Variants in XXYLT1 observed in about 807,000 individuals in gnomAD.
The protein encoded by XXYLT1 is UDP-xylose:alpha-xyloside alpha-1,3-xylosyltransferase.
Under a neutral mutation model 28.9 loss-of-function variants are expected in XXYLT1, and 20 were observed. The ratio of observed to expected loss-of-function variants is 0.69; its 90% CI spans 0.49 to 1.00. The LOEUF is 1.00. Among genes scored for constraint, XXYLT1 ranks in the 50% least tolerant of loss-of-function variants. The pLI is 0.00. For missense variants in XXYLT1, 542 were observed against 560.1 expected, an observed-to-expected ratio of 0.97 and a Z score of 0.33; for synonymous variants, 257 against 253.8, an observed-to-expected ratio of 1.01 and a Z score of -0.12.
rs778427071 is a variant in XXYLT1 at position 195,069,922 on chromosome 3, G to T, written c.975C>A (p.Arg325=). Residue 325 remains arginine, a synonymous_variant, in exon 4 of 4, where the codon CGC becomes CGA. Coordinates refer to ENST00000310380, the MANE Select transcript of XXYLT1 (RefSeq NM_152531.5). ...AGAAGTCCTGGTCCCCGAGGTGGCCGCGGAAGTGGTACTTGTCGGCCAGCT... is the reference window on the plus strand; with the variant it reads ...AGAAGTCCTGGTCCCCGAGGTGGCCTCGGAAGTGGTACTTGTCGGCCAGCT... The part of the protein sequence containing the change: ...VQQLADKYHF[R]GHLGDQDFFT... 1 of 1,613,656 alleles carries T rather than the reference G, an allele frequency of 6.2e-7. No individual in the cohort carries two copies. Among genetic ancestry groups the T allele is most frequent in the Admixed American group, 1.7e-5 (1 of 60,026 alleles).
chr3:195,174,685 CT>C (rs1208304300), intron 2 of XXYLT1, among the ~76,000 whole-genome samples: 12 of 127,952 alleles, frequency 9.4e-5, no homozygotes, highest in Admixed American at 8.5e-5. Flanking sequence ...TCCCTCCCCC[CT>C]CCCTCCCTTC....
intron 1 of XXYLT1, chr3:195,270,019 A>C (rs1303419147): frequency 5.2e-6 from 1 of 192,092 alleles, no homozygotes; most frequent in Non-Finnish European, 1.1e-5. Context: ...CCTTGGAGGA[A>C]GGGGAAAAAG....
chr3:195,116,063 G>A (rs112776554), intron 3 of XXYLT1, among the ~76,000 whole-genome samples: 94 of 152,182 alleles, frequency 6.2e-4, no homozygotes, highest in Non-Finnish European at 1.1e-3. Flanking sequence ...CAGCGACAGG[G>A]AGAAGCAGCT....
At chr3:195,128,913 C>T (rs930672968) in intron 3 of XXYLT1, among the ~76,000 whole-genome samples, 8 of 152,170 alleles carry the variant, frequency 5.3e-5, no homozygotes, top group South Asian at 2.1e-4. Flanking sequence ...TGAAAGCATG[C>T]GCCAACACTG....
At chr3:195,143,373 GT>G (rs1054271783) in intron 3 of XXYLT1, among the ~76,000 whole-genome samples, 8 of 152,134 alleles carry the variant, frequency 5.3e-5, no homozygotes, top group Non-Finnish European at 1.2e-4. Flanking sequence ...CACAGATGTG[GT>G]TTTTTGGCCA....
At chr3:195,266,817 T>G (rs1297525493) in intron 1 of XXYLT1, among the ~76,000 whole-genome samples, 1 of 152,084 alleles carries the variant, frequency 6.6e-6, no homozygotes, top group Non-Finnish European at 1.5e-5. Context: ...CAGGCTGGGG[T>G]GGGGCCCAGG....
At chr3:195,088,713 C>T (rs1417843917) in intron 3 of XXYLT1, among the ~76,000 whole-genome samples, 9 of 138,638 alleles carry the variant, frequency 6.5e-5, no homozygotes, top group East Asian at 2.2e-4. Context: ...AGGCTTCAGA[C>T]GATCAAATTA....
chr3:195,241,888 T>C (rs1315099834), intron 1 of XXYLT1, among the ~76,000 whole-genome samples: 1 of 152,144 alleles, frequency 6.6e-6, no homozygotes, highest in African/African-American at 2.4e-5. Context: ...GGCTATTGCA[T>C]GACCAGATTC....
chr3:195,256,879 G>A lies in XXYLT1; in HGVS notation c.504+13676C>T, dbSNP rs905699782. Among the ~76,000 whole-genome samples, 1 of 152,200 alleles carries A rather than the reference G, an allele frequency of 6.6e-6. No individual in the cohort carries two copies. Among genetic ancestry groups the A allele is most frequent in the Non-Finnish European group, 1.5e-5 (1 of 68,032 alleles). On this transcript the variant is annotated intron_variant, in intron 1 of 3. Coordinates refer to ENST00000310380, the MANE Select transcript of XXYLT1 (RefSeq NM_152531.5). The surrounding 1 kb of genome is among the most constrained non-coding windows in gnomAD (Gnocchi z 4.2). Reference sequence around the variant, plus strand: ...CCCAGGGCACTGCCTGCCAGCCGGGGCTCTAGGCAGACCAAGCAACCTTCC... The same window carrying A: ...CCCAGGGCACTGCCTGCCAGCCGGGACTCTAGGCAGACCAAGCAACCTTCC...
At chr3:195,259,557 G>A (rs1029131574) in intron 1 of XXYLT1, 2 of 985,246 alleles carry the variant, frequency 2.0e-6, no homozygotes, top group Admixed American at 6.1e-5. Flanking sequence ...TCCTCCCAGG[G>A]AGAGGCCTCC....
chr3:195,191,293 TTC>T (rs1340086517), intron 2 of XXYLT1, among the ~76,000 whole-genome samples: 1 of 152,220 alleles, frequency 6.6e-6, no homozygotes, highest in Non-Finnish European at 1.5e-5. Context: ...ATCCCTCCTT[TTC>T]TCTTTCTTCT....
At chr3:195,182,134 C>T (rs1049779083) in intron 2 of XXYLT1, among the ~76,000 whole-genome samples, 13 of 152,314 alleles carry the variant, frequency 8.5e-5, no homozygotes, top group Admixed American at 2.6e-4. Context: ...AGCCCCTAAA[C>T]GAGGTATGTG....
At chr3:195,197,297 C>T (rs1162832065) in intron 2 of XXYLT1, among the ~76,000 whole-genome samples, 4 of 152,148 alleles carry the variant, frequency 2.6e-5, no homozygotes, top group African/African-American at 4.8e-5. Context: ...ATTAGCCGGG[C>T]GTGGTGGTGC....
intron 3 of XXYLT1, among the ~76,000 whole-genome samples, chr3:195,131,973 C>A (rs1441028495): frequency 6.6e-6 from 1 of 152,154 alleles, no homozygotes; most frequent in East Asian, 1.9e-4. Flanking sequence ...CAGCATCTAG[C>A]AGGCCCAAGA....
At chr3:195,251,536 C>T (rs184352623) in intron 1 of XXYLT1, among the ~76,000 whole-genome samples, 59 of 152,322 alleles carry the variant, frequency 3.9e-4, no homozygotes, top group Non-Finnish European at 6.9e-4. Context: ...TGAGGGGCTG[C>T]TCCGCCTGCA....
At chr3:195,083,965 G>A (rs1027887369) in intron 3 of XXYLT1, among the ~76,000 whole-genome samples, 1 of 152,132 alleles carries the variant, frequency 6.6e-6, no homozygotes, top group African/African-American at 2.4e-5. Flanking sequence ...GGCAGAGGTT[G>A]CAGCGAGCCG....
Position 195,238,734 on chromosome 3 carries a change from C to T in XXYLT1, c.505-11878G>A, listed in dbSNP as rs116272799. Among the ~76,000 whole-genome samples the T allele has an allele frequency of 7.3e-3, 1,107 of 152,246 alleles. 8 individuals are homozygous for T. The highest frequency in any genetic ancestry group is 0.025 in the African/African-American group (1,043 of 41,534). On this transcript the variant is annotated intron_variant, in intron 1 of 3. Coordinates refer to ENST00000310380, the MANE Select transcript of XXYLT1 (RefSeq NM_152531.5). ...TAGCACCAAACCTCCTCCCAGTCCC[C>T]GAAATGCCTTCTCCCCACAGATCAG...
intron 2 of XXYLT1, chr3:195,175,516 T>C: frequency 1.3e-6 from 2 of 1,483,930 alleles, no homozygotes; most frequent in Non-Finnish European, 1.8e-6. Context: ...TTGACTTTGC[T>C]GCACCCATGG....
intron 2 of XXYLT1, among the ~76,000 whole-genome samples, chr3:195,196,509 A>C (rs551609617): frequency 1.3e-5 from 2 of 152,252 alleles, no homozygotes; most frequent in Non-Finnish European, 2.9e-5. Flanking sequence ...CTGCTCCTGC[A>C]GTCAGCCTTT....
Sources: gnomAD v4.1 joint callset for allele counts (sites outside exome capture counted in the v4.1 genomes callset) on GRCh38, gnomAD v4.1.1 for gene constraint, Gnocchi (gnomAD v3.1) non-coding constraint, MANE v1.5 for transcripts, NCBI Gene and HGNC (gene_info 2026-07-23, HGNC 2026-07-21) for gene names.